The following KIF13B variants were observed in gnomAD, a reference collection of about 807,000 sequenced individuals.
The protein encoded by KIF13B is kinesin family member 13B.
In KIF13B, 127 loss-of-function variants were observed where a neutral mutation model predicts 222.0. The ratio of observed to expected loss-of-function variants is 0.57; its 90% CI spans 0.50 to 0.66. KIF13B has a LOEUF of 0.66. Among genes scored for constraint, KIF13B ranks in the 30% least tolerant of loss-of-function variants. The pLI is 0.00. For missense variants in KIF13B, 2,173 were observed against 2,379.0 expected, an observed-to-expected ratio of 0.91 and a Z score of 1.80; for synonymous variants, 976 against 919.0, an observed-to-expected ratio of 1.06 and a Z score of -1.12.
At chr8:29,106,715 T>C (rs1476927781) in intron 35 of KIF13B, among the ~76,000 whole-genome samples, 1 of 145,594 alleles carries the variant, frequency 6.9e-6, no homozygotes, top group Admixed American at 6.9e-5. Flanking sequence ...ATAAGGGAAA[T>C]GTCAAACATA....
intron 24 of KIF13B, among the ~76,000 whole-genome samples, chr8:29,127,764 C>T (rs1810177967): frequency 6.6e-6 from 1 of 152,126 alleles, no homozygotes; most frequent in Non-Finnish European, 1.5e-5. Flanking sequence ...GTTCCTTTAA[C>T]CCAGCAATTC....
intron 5 of KIF13B, among the ~76,000 whole-genome samples, chr8:29,187,266 G>A (rs986241208): frequency 1.7e-4 from 26 of 152,144 alleles, no homozygotes; most frequent in African/African-American, 6.0e-4. Context: ...GGTGGCTCAC[G>A]CCTGTAATCT....
intron 2 of KIF13B, among the ~76,000 whole-genome samples, chr8:29,213,370 C>T (rs1814318192): frequency 6.6e-6 from 1 of 152,238 alleles, no homozygotes; most frequent in African/African-American, 2.4e-5. Context: ...ATCCTATTAT[C>T]ATCCACATTT....
rs555997154 is a variant in KIF13B at position 29,136,487 on chromosome 8, G to C, written c.2614-2277C>G. The stretch of plus-strand genomic sequence containing the variant: ...CCCAGCTACTCAGGAGACTGAGACA[G>C]GAGAATCACTTGAATCCGGGAGGAG... On this transcript the variant is annotated intron_variant, in intron 21 of 39. Transcript: ENST00000524189. Among the ~76,000 whole-genome samples the C allele has an allele frequency of 1.3e-4, 20 of 152,200 alleles. No homozygotes were observed. The South Asian group carries it at 4.1e-3, about 32-fold the overall frequency.
At chr8:29,262,842 A>G in intron 1 of KIF13B, 138 bp downstream of exon 1, 2 of 587,176 alleles carry the variant, frequency 3.4e-6, no homozygotes, top group Non-Finnish European at 2.8e-6. Flanking sequence ...AGCGGGTTTC[A>G]GGGTCCCCGG....
At position 29,186,392 on chromosome 8, in the gene KIF13B, G is replaced by A. The variant is rs1214134486; in HGVS notation, c.397C>T (p.Arg133Ter). ...TCTTCATTTTCCTCTTTCTGAGTTC[G>A]TTCAAAGAGTCCACTGCAAAGTCTT... ...IPRLCSGLFE[R>*]TQKEENEEQS... Residue 133 changes from arginine to a stop codon, truncating the protein, a stop_gained, in exon 6 of 40, where the codon CGA becomes TGA. Transcript: ENST00000524189. LOFTEE classifies it high-confidence loss of function. The A allele has an allele frequency of 2.5e-6, 4 of 1,613,420 alleles. No homozygotes were observed. Among genetic ancestry groups the A allele is most frequent in the East Asian group, 2.2e-5 (1 of 44,894 alleles).
At chr8:29,085,553 T>A (rs906395431) in intron 37 of KIF13B, among the ~76,000 whole-genome samples, 2 of 151,770 alleles carry the variant, frequency 1.3e-5, no homozygotes, top group Non-Finnish European at 2.9e-5. Flanking sequence ...TAATTTTTAG[T>A]AGAGACAGGG....
At chr8:29,085,717 T>C (rs1808018617) in intron 37 of KIF13B, among the ~76,000 whole-genome samples, 3 of 137,980 alleles carry the variant, frequency 2.2e-5, no homozygotes, top group Admixed American at 1.5e-4. Context: ...TTTTTTTTTT[T>C]TTTTTTTTTT....
intron 35 of KIF13B, among the ~76,000 whole-genome samples, chr8:29,101,504 C>T (rs1273437275): frequency 6.6e-6 from 1 of 152,180 alleles, no homozygotes; most frequent in East Asian, 1.9e-4. Flanking sequence ...CCAAGGCACA[C>T]CCAGGCCCCG....
At chr8:29,186,195 G>A (rs538122246) in intron 6 of KIF13B, 97 bp downstream of exon 6, 59 of 932,010 alleles carry the variant, frequency 6.3e-5, no homozygotes, top group African/African-American at 3.1e-4. Flanking sequence ...GTGACAGAGC[G>A]AGACCCTCTG....
At chr8:29,251,113 T>C (rs1816263009) in intron 1 of KIF13B, among the ~76,000 whole-genome samples, 1 of 151,900 alleles carries the variant, frequency 6.6e-6, no homozygotes, top group Non-Finnish European at 1.5e-5. Flanking sequence ...ATCACACCTC[T>C]GCACTCCAGC....
intron 24 of KIF13B, among the ~76,000 whole-genome samples, chr8:29,130,280 G>T (rs1013655954): frequency 1.3e-5 from 2 of 152,194 alleles, no homozygotes; most frequent in African/African-American, 4.8e-5. Flanking sequence ...GGAAGGCCAA[G>T]GTGGGAGGAT....
chr8:29,247,615 G>A (rs1243738004), intron 1 of KIF13B, among the ~76,000 whole-genome samples: 1 of 151,904 alleles, frequency 6.6e-6, no homozygotes, highest in East Asian at 1.9e-4. Context: ...GACTGCTTGA[G>A]CACAGGAGTT....
intron 28 of KIF13B, 87 bp from the exon 29 acceptor site, chr8:29,122,733 G>A: frequency 9.6e-7 from 1 of 1,045,440 alleles, no homozygotes; most frequent in Non-Finnish European, 1.5e-6. Flanking sequence ...GGCATTCAGG[G>A]CTGTTACAGG....
chr8:29,159,136 A>G (rs1445768101), intron 13 of KIF13B, among the ~76,000 whole-genome samples: 2 of 152,154 alleles, frequency 1.3e-5, no homozygotes, highest in Non-Finnish European at 2.9e-5. Flanking sequence ...GTTCAGAAGC[A>G]AAGTAAGTAA....
intron 33 of KIF13B, 60 bp downstream of exon 33, chr8:29,109,854 TCAAA>T: frequency 6.6e-7 from 1 of 1,521,926 alleles, no homozygotes; most frequent in Non-Finnish European, 9.0e-7. Context: ...AATTACAGAG[TCAAA>T]CACAGACTCA....
chr8:29,102,982 C>T (rs756381783), intron 35 of KIF13B, among the ~76,000 whole-genome samples: 4 of 152,142 alleles, frequency 2.6e-5, no homozygotes, highest in Non-Finnish European at 5.9e-5. Flanking sequence ...GTGGCTCACG[C>T]CCGTAATCCC....
At chr8:29,101,784 G>A (rs1318503311) in intron 35 of KIF13B, among the ~76,000 whole-genome samples, 2 of 152,120 alleles carry the variant, frequency 1.3e-5, no homozygotes, top group Admixed American at 6.6e-5. Context: ...CTCAAATCGC[G>A]CTGGGATGGA....
rs766733375 is a variant in KIF13B at position 29,167,358 on chromosome 8, G to A, written c.1158+15C>T. Reference sequence around the variant, plus strand: ...CTTCCTGGACTCACAGGGCGCACGCGGTGGTGCCTCCTACCTCTGCTTTGG... The same window carrying A: ...CTTCCTGGACTCACAGGGCGCACGCAGTGGTGCCTCCTACCTCTGCTTTGG... On this transcript the variant is annotated intron_variant, in intron 11 of 39. Coordinates refer to ENST00000524189, the MANE Select transcript of KIF13B (RefSeq NM_015254.4). The A allele has an allele frequency of 2.9e-5, 47 of 1,599,802 alleles. No homozygotes were observed. The East Asian group carries it at 7.4e-4, about 25-fold the overall frequency.
Sources: allele counts gnomAD v4.1 joint callset (sites outside exome capture counted in the v4.1 genomes callset), GRCh38; gene constraint gnomAD v4.1.1; transcripts MANE v1.5; gene names NCBI Gene and HGNC (gene_info 2026-07-23, HGNC 2026-07-21).